NXN: variants seen among roughly 807,000 people sequenced by gnomAD.
The protein encoded by NXN is nucleoredoxin 1.
In NXN, 16 loss-of-function variants were observed where a neutral mutation model predicts 48.6. The observed-to-expected ratio is 0.33, with a 90% CI of 0.22 to 0.50. The LOEUF is 0.50. Ranked by LOEUF, NXN falls within the 20% of genes least tolerant of loss-of-function variation. The pLI, the probability that NXN is intolerant of heterozygous loss-of-function variation, is 0.98. For missense variants in NXN, 492 were observed against 605.5 expected (o/e 0.81, Z 1.97); for synonymous variants, 281 against 269.6 (o/e 1.04, Z -0.41).
intron 5 of NXN, among the ~76,000 whole-genome samples, chr17:815,689 A>G (rs1280467363): frequency 6.6e-6 from 1 of 152,256 alleles, no homozygotes; most frequent in African/African-American, 2.4e-5. Flanking sequence ...AATGAGGGCC[A>G]GTGTCCACTC....
chr17:843,675 G>C (rs1304033875), intron 1 of NXN, among the ~76,000 whole-genome samples: 1 of 152,180 alleles, frequency 6.6e-6, no homozygotes, highest in African/African-American at 2.4e-5. Context: ...CACTTCTAGT[G>C]GGGGATAGGG....
intron 1 of NXN, among the ~76,000 whole-genome samples, chr17:885,430 T>C (rs1376772638): frequency 6.7e-6 from 1 of 149,990 alleles, no homozygotes; most frequent in Non-Finnish European, 1.5e-5. Context: ...TGAGCGGAGA[T>C]CGCACCACTA....
intron 1 of NXN, among the ~76,000 whole-genome samples, chr17:899,018 C>T (rs2068513131): frequency 7.0e-6 from 1 of 142,730 alleles, no homozygotes. Flanking sequence ...AGTGCAGTGG[C>T]ACGATCTTGG....
intron 1 of NXN, among the ~76,000 whole-genome samples, chr17:944,058 C>T (rs890951434): frequency 1.3e-5 from 2 of 151,604 alleles, no homozygotes; most frequent in African/African-American, 4.8e-5. Flanking sequence ...GCCAACATGA[C>T]GAAACCCCGT....
chr17:891,881 ACCATGTACAACCCAAC>A (rs1445954335), intron 1 of NXN, among the ~76,000 whole-genome samples: 334 of 128,016 alleles, frequency 2.6e-3, no homozygotes, highest in African/African-American at 3.0e-3. Flanking sequence ...AACTAACCCC[ACCATGTACAACCCAAC>A]AGGGAACCTA....
intron 1 of NXN, among the ~76,000 whole-genome samples, chr17:950,500 C>T (rs2360109): frequency 1.3e-5 from 2 of 149,910 alleles, no homozygotes; most frequent in Middle Eastern, 3.4e-3. Flanking sequence ...CATCCCCTGT[C>T]GATTCCCCAA....
intron 1 of NXN, among the ~76,000 whole-genome samples, chr17:903,914 G>A (rs1020930564): frequency 3.9e-5 from 6 of 152,064 alleles, no homozygotes; most frequent in African/African-American, 1.4e-4. Flanking sequence ...ACCCCCCACG[G>A]GCAGATTCCT....
chr17:872,746 A>G (rs1048141069), intron 1 of NXN, among the ~76,000 whole-genome samples: 11 of 148,386 alleles, frequency 7.4e-5, no homozygotes, highest in African/African-American at 2.8e-4. Flanking sequence ...TCAACCTCCC[A>G]AGTAGCTGGG....
At chr17:887,946 T>C (rs2068366598) in intron 1 of NXN, among the ~76,000 whole-genome samples, 1 of 151,796 alleles carries the variant, frequency 6.6e-6, no homozygotes, top group South Asian at 2.1e-4. Context: ...TCAAAGCAAG[T>C]CCACCAGACC....
At position 979,502 on chromosome 17, in the gene NXN, G is replaced by A. The variant is rs1314424912; in HGVS notation, c.177C>T (p.Arg59=). ...LSASLAAFYG[R]LRGDAAAGPG... The stretch of plus-strand genomic sequence containing the variant: ...GCCCGGCCGCCGCGTCCCCCCGCAG[G>A]CGCCCGTAGAAGGCGGCCAGGCTGG... The change falls in exon 1 of 8, where the codon CGC becomes CGT. Residue 59 remains arginine, a synonymous_variant. Coordinates refer to ENST00000336868, the MANE Select transcript of NXN (RefSeq NM_022463.5). The A allele has an allele frequency of 2.7e-5, 33 of 1,223,398 alleles. No homozygotes were observed. The highest frequency in any genetic ancestry group is 3.3e-5 in the Non-Finnish European group (32 of 978,452). The allele number at this position is 1,223,398 out of a possible 1,614,324, so 75.8% of individuals were successfully genotyped here.
chr17:974,256 C>T (rs1444342190), intron 1 of NXN, among the ~76,000 whole-genome samples: 1 of 151,754 alleles, frequency 6.6e-6, no homozygotes, highest in Non-Finnish European at 1.5e-5. Flanking sequence ...GAGGCTGAGG[C>T]AGGAGCATGG....
intron 1 of NXN, among the ~76,000 whole-genome samples, chr17:866,618 C>T (rs1403850336): frequency 6.6e-6 from 1 of 152,098 alleles, no homozygotes; most frequent in Non-Finnish European, 1.5e-5. Flanking sequence ...GGAGTTGTAC[C>T]TCAGTAACAC....
At chr17:911,484 C>G (rs1183337291) in intron 1 of NXN, among the ~76,000 whole-genome samples, 2 of 151,676 alleles carry the variant, frequency 1.3e-5, no homozygotes, top group African/African-American at 4.8e-5. Context: ...GGACTACAGA[C>G]GCCCGGCTAA....
intron 1 of NXN, among the ~76,000 whole-genome samples, chr17:901,719 A>G (rs1407569238): frequency 6.6e-6 from 1 of 151,912 alleles, no homozygotes; most frequent in Non-Finnish European, 1.5e-5. Context: ...TGTTTTTTGG[A>G]GATGGGATAT....
chr17:819,103 C>T (rs938822872), intron 5 of NXN: 13 of 333,470 alleles, frequency 3.9e-5, no homozygotes, highest in African/African-American at 8.8e-5. Flanking sequence ...CCCGCCACCA[C>T]GCCCAGCTAA....
At chr17:860,846 C>T (rs1447632277) in intron 1 of NXN, among the ~76,000 whole-genome samples, 1 of 152,226 alleles carries the variant, frequency 6.6e-6, no homozygotes, top group Non-Finnish European at 1.5e-5. Context: ...CCTATCTAGA[C>T]AAAAAGGCAA....
At chr17:845,566 A>G (rs1174665326) in intron 1 of NXN, among the ~76,000 whole-genome samples, 1 of 152,208 alleles carries the variant, frequency 6.6e-6, no homozygotes, top group African/African-American at 2.4e-5. Flanking sequence ...TTCAGGGTCT[A>G]CATCTTAGAC....
In NXN at chr17:892,716, G is replaced by A. The variant is rs368863189; in HGVS notation, c.361-66638C>T. Among the ~76,000 whole-genome samples the A allele has an allele frequency of 3.9e-5, 6 of 152,320 alleles. No individual in the cohort carries two copies. In the East Asian group the frequency reaches 5.8e-4, roughly 15 times the overall value. The stretch of plus-strand genomic sequence containing the variant: ...GTCCCAGGAAATGCCAGTAATGCCC[G>A]CTTAGTGACAATCGAAAATGGTTCC... On this transcript the variant is annotated intron_variant, in intron 1 of 7. Coordinates refer to ENST00000336868, the MANE Select transcript of NXN (RefSeq NM_022463.5).
intron 1 of NXN, among the ~76,000 whole-genome samples, chr17:974,237 G>T (rs2069428508): frequency 6.6e-6 from 1 of 151,560 alleles, no homozygotes; most frequent in South Asian, 2.1e-4. Context: ...TGTAGTCCCA[G>T]CTACTCAGGA....
Sources: allele counts gnomAD v4.1 joint callset (sites outside exome capture counted in the v4.1 genomes callset), GRCh38; gene constraint gnomAD v4.1.1; transcripts MANE v1.5; gene names NCBI Gene and HGNC (gene_info 2026-07-23, HGNC 2026-07-21).